Variants in CREM observed in about 807,000 individuals in gnomAD.
CREM encodes cAMP responsive element modulator.
A neutral mutation model predicts 37.3 loss-of-function variants in CREM; 13 were observed. The observed-to-expected ratio is 0.35, with a 90% CI of 0.23 to 0.55. CREM has a LOEUF of 0.55. Among genes scored for constraint, CREM ranks in the 20% least tolerant of loss-of-function variants. CREM has a pLI of 0.88. For synonymous variants in CREM, 124 were observed against 120.2 expected (o/e 1.03, Z -0.21); for missense variants, 296 against 362.3 (o/e 0.82, Z 1.49).
At chr10:35,207,545 G>A (rs80182618) in intron 7 of CREM, among the ~76,000 whole-genome samples, 17,689 of 152,128 alleles carry the variant, frequency 0.12, 1,281 homozygotes, top group Middle Eastern at 0.18. Flanking sequence ...GGAGGTCAAG[G>A]CGGGCAGATC....
chr10:35,186,790 A>G (rs1407257381), intron 5 of CREM, among the ~76,000 whole-genome samples: 1 of 127,102 alleles, frequency 7.9e-6, no homozygotes, highest in Admixed American at 9.2e-5. Flanking sequence ...TATATATAAC[A>G]TAATTATGTT....
At chr10:35,152,024 T>C (rs758745489) in intron 3 of CREM, among the ~76,000 whole-genome samples, 14 of 152,260 alleles carry the variant, frequency 9.2e-5, no homozygotes, top group Non-Finnish European at 1.9e-4. Context: ...CTTCTGAATT[T>C]CTGATGGCTT....
At chr10:35,183,264 G>T (rs964117245) in intron 5 of CREM, among the ~76,000 whole-genome samples, 15 of 152,064 alleles carry the variant, frequency 9.9e-5, no homozygotes, top group Non-Finnish European at 1.3e-4. Flanking sequence ...ATTATGAAAA[G>T]AAAAATATGA....
intron 2 of CREM, among the ~76,000 whole-genome samples, chr10:35,143,203 TC>T (rs1181320068): frequency 7.3e-5 from 11 of 151,516 alleles, no homozygotes; most frequent in African/African-American, 2.4e-4. Flanking sequence ...ACTCTTGACC[TC>T]GTGATCTGCC....
chr10:35,160,179 G>A (rs1019549644), intron 3 of CREM, among the ~76,000 whole-genome samples: 2 of 152,112 alleles, frequency 1.3e-5, no homozygotes, highest in South Asian at 2.1e-4. Context: ...TATAGGATGC[G>A]ATTATACTGA....
At chr10:35,135,441 A>G (rs868865715) in intron 1 of CREM, 5 of 152,168 alleles carry the variant, frequency 3.3e-5, no homozygotes, top group African/African-American at 1.2e-4. Context: ...TCGGTAGTAT[A>G]TAAGTGTTAC....
chr10:35,208,844 C>T (rs980971599), intron 7 of CREM, among the ~76,000 whole-genome samples: 2 of 152,186 alleles, frequency 1.3e-5, no homozygotes, highest in Non-Finnish European at 2.9e-5. Flanking sequence ...GGTTTATTTT[C>T]GCTTTCTAAA....
chr10:35,189,668 G>A (rs188392076), intron 6 of CREM, among the ~76,000 whole-genome samples: 3 of 151,892 alleles, frequency 2.0e-5, no homozygotes, highest in Non-Finnish European at 4.4e-5. Flanking sequence ...GGTGCATAAC[G>A]CCATGCCCGG....
At chr10:35,191,913 A>G (rs1033113580) in intron 6 of CREM, among the ~76,000 whole-genome samples, 7 of 146,600 alleles carry the variant, frequency 4.8e-5, no homozygotes, top group African/African-American at 1.5e-4. Flanking sequence ...CACTCTTCCT[A>G]TCTTCAGTGA....
chr10:35,165,488 T>C (rs1742695129), intron 3 of CREM, among the ~76,000 whole-genome samples: 1 of 152,202 alleles, frequency 6.6e-6, no homozygotes, highest in Admixed American at 6.5e-5. Flanking sequence ...TCTACTTTTA[T>C]GTAATTCTTC....
intron 6 of CREM, chr10:35,201,515 G>A (rs1247974441): frequency 2.6e-6 from 4 of 1,551,560 alleles, no homozygotes; most frequent in Non-Finnish European, 2.6e-6. Flanking sequence ...CTAGAACCCA[G>A]ACTCCAAACC....
chr10:35,186,901 AT>A (rs1348593293), intron 5 of CREM, among the ~76,000 whole-genome samples: 4 of 85,942 alleles, frequency 4.7e-5, no homozygotes. Flanking sequence ...AATTATAAAA[AT>A]ATAATAATTA....
At chr10:35,129,104 T>C (rs900236223) in intron 1 of CREM, among the ~76,000 whole-genome samples, 1 of 152,208 alleles carries the variant, frequency 6.6e-6, no homozygotes, top group Non-Finnish European at 1.5e-5. Context: ...AATCTGTAAA[T>C]AGATGAATAT....
intron 1 of CREM, among the ~76,000 whole-genome samples, chr10:35,136,924 G>A (rs2090627585): frequency 6.6e-6 from 1 of 151,482 alleles, no homozygotes; most frequent in African/African-American, 2.4e-5. Context: ...GCGCTCAAGT[G>A]ATTCTCCCAC....
At chr10:35,127,948 C>G (rs1015992701) in intron 1 of CREM, among the ~76,000 whole-genome samples, 1 of 152,042 alleles carries the variant, frequency 6.6e-6, no homozygotes, top group Admixed American at 6.5e-5. Context: ...TGGGTTCAAG[C>G]GATTCTCTTG....
chr10:35,211,220 G>A, intron 7 of CREM, 34 bp from the exon 8 acceptor site: 1 of 1,604,240 alleles, frequency 6.2e-7, no homozygotes, highest in Non-Finnish European at 8.5e-7. Flanking sequence ...TTGGAAGGCT[G>A]TTCCTGTAGT....
chr10:35,146,792 G>A (rs1564812556), intron 2 of CREM, among the ~76,000 whole-genome samples: 1 of 152,158 alleles, frequency 6.6e-6, no homozygotes, highest in Non-Finnish European at 1.5e-5. Flanking sequence ...GAGCATGGAA[G>A]GATTGGATTT....
intron 2 of CREM, among the ~76,000 whole-genome samples, chr10:35,141,209 C>T (rs1207696932): frequency 6.6e-6 from 1 of 152,158 alleles, no homozygotes; most frequent in African/African-American, 2.4e-5. Flanking sequence ...TCAAAACTAC[C>T]AGGCACTTAC....
chr10:35,184,261 G>A (rs142847632), intron 5 of CREM, among the ~76,000 whole-genome samples: 18 of 152,196 alleles, frequency 1.2e-4, no homozygotes, highest in African/African-American at 4.3e-4. Context: ...TAAATAAATA[G>A]CTAAAATAGA....
Sources: gnomAD v4.1 joint callset for allele counts (sites outside exome capture counted in the v4.1 genomes callset) on GRCh38, gnomAD v4.1.1 for gene constraint, MANE v1.5 for transcripts, NCBI Gene and HGNC (gene_info 2026-07-23, HGNC 2026-07-21) for gene names.